The following AUTS2 variants were observed in gnomAD, a reference collection of about 807,000 sequenced individuals.
The protein encoded by AUTS2 is activator of transcription and developmental regulator AUTS2, also known as autism susceptibility gene 2 protein.
AUTS2 carries 17 observed loss-of-function variants against 112.4 expected under a neutral mutation model. That is an observed-to-expected ratio of 0.15 (90% CI 0.10 to 0.23). The LOEUF (loss-of-function observed/expected upper bound fraction) is 0.23. AUTS2 is among the 10% of genes least tolerant of loss of function. The probability of loss-of-function intolerance (pLI) is 1.00; values close to 1 mark genes in which losing one functional copy is unlikely to be tolerated. For synonymous variants in AUTS2, 751 were observed against 702.7 expected, an observed-to-expected ratio of 1.07 and a Z score of -1.09; for missense variants, 1,510 against 1,701.6, an observed-to-expected ratio of 0.89 and a Z score of 1.98.
intron 1 of AUTS2, among the ~76,000 whole-genome samples, chr7:69,731,764 T>G (rs971946326): frequency 6.6e-6 from 1 of 152,208 alleles, no homozygotes; most frequent in Non-Finnish European, 1.5e-5. Flanking sequence ...ATCTGAATTC[T>G]AAAACTGCGT....
At chr7:70,779,530 A>G (rs761777189) in intron 14 of AUTS2, among the ~76,000 whole-genome samples, 2 of 152,128 alleles carry the variant, frequency 1.3e-5, no homozygotes, top group Non-Finnish European at 2.9e-5. Flanking sequence ...AGTAGGGGTG[A>G]TGGGTGAGTG....
At chr7:69,947,330 G>T (rs909811263) in intron 2 of AUTS2, among the ~76,000 whole-genome samples, 2 of 152,162 alleles carry the variant, frequency 1.3e-5, no homozygotes, top group Admixed American at 1.3e-4. Flanking sequence ...GAAAGTTCAT[G>T]TTACACATAT....
At chr7:70,280,013 T>G (rs1788129246) in intron 4 of AUTS2, among the ~76,000 whole-genome samples, 1 of 152,230 alleles carries the variant, frequency 6.6e-6, no homozygotes, top group African/African-American at 2.4e-5. Context: ...ACAACTGTAG[T>G]TGAACACATA....
chr7:70,698,512 G>A, intron 5 of AUTS2, 57 bp from the exon 6 acceptor site: 1 of 1,382,620 alleles, frequency 7.2e-7, no homozygotes, highest in Non-Finnish European at 1.0e-6. Flanking sequence ...GAATGTTGAT[G>A]GTGATGACAA....
chr7:69,811,107 AGT>A (rs1396294587), intron 1 of AUTS2, among the ~76,000 whole-genome samples: 1 of 151,940 alleles, frequency 6.6e-6, no homozygotes, highest in Non-Finnish European at 1.5e-5. Context: ...CTCTGGCCAG[AGT>A]GTTTTTACTC....
rs1180592403 is a variant in AUTS2, at chr7:69,845,318, C to T, written c.310-53968C>T. On this transcript the variant is annotated intron_variant, in intron 1 of 18. Transcript: ENST00000342771. ...TGTCTCATTGACCAGACTTGGGTCA[C>T]ATTACCACTCCGTTATCCCTGCCCT... is the stretch of plus-strand genomic sequence containing the variant. Among the ~76,000 whole-genome samples, 4 of 152,184 alleles carry T rather than the reference C, an allele frequency of 2.6e-5. No individual in the cohort carries two copies. The South Asian group carries it at 6.2e-4, about 24-fold the overall frequency.
intron 2 of AUTS2, among the ~76,000 whole-genome samples, chr7:70,116,604 T>C (rs1258497815): frequency 6.6e-6 from 1 of 152,184 alleles, no homozygotes; most frequent in Non-Finnish European, 1.5e-5. Flanking sequence ...AGCTCTAATG[T>C]TTCTTATTGT....
chr7:70,156,124 C>T (rs1331019049), intron 4 of AUTS2, among the ~76,000 whole-genome samples: 1 of 152,160 alleles, frequency 6.6e-6, no homozygotes, highest in South Asian at 2.1e-4. Context: ...CCTCAGTGAA[C>T]CTGCACCATG....
chr7:69,856,578 A>G (rs897533056), intron 1 of AUTS2, among the ~76,000 whole-genome samples: 2 of 152,164 alleles, frequency 1.3e-5, no homozygotes, highest in African/African-American at 4.8e-5. Flanking sequence ...TAGCTCCCTC[A>G]TCTCATTACA....
At chr7:70,768,760 T>TAAGA (rs1399550556) in intron 10 of AUTS2, among the ~76,000 whole-genome samples, 3 of 152,120 alleles carry the variant, frequency 2.0e-5, no homozygotes, top group Non-Finnish European at 4.4e-5. Flanking sequence ...AGTTAACTTG[T>TAAGA]AAGACAAGAG....
intron 4 of AUTS2, among the ~76,000 whole-genome samples, chr7:70,396,596 C>T (rs371873776): frequency 5.3e-5 from 8 of 152,180 alleles, no homozygotes; most frequent in African/African-American, 1.7e-4. Context: ...AGGCTGTTCT[C>T]GAATTCCTGA....
At chr7:70,305,333 C>CCA (rs1346988074) in intron 4 of AUTS2, among the ~76,000 whole-genome samples, 1 of 151,812 alleles carries the variant, frequency 6.6e-6, no homozygotes, top group Non-Finnish European at 1.5e-5. Context: ...TATGAAGGTA[C>CCA]CCACTGAAAT....
At chr7:70,303,181 GCTCT>G (rs1789302897) in intron 4 of AUTS2, among the ~76,000 whole-genome samples, 2 of 152,134 alleles carry the variant, frequency 1.3e-5, no homozygotes, top group Non-Finnish European at 2.9e-5. Context: ...ATTGCCATAT[GCTCT>G]GTTGCGCAGG....
chr7:70,418,707 G>C (rs1459522161), intron 4 of AUTS2, among the ~76,000 whole-genome samples: 1 of 152,114 alleles, frequency 6.6e-6, no homozygotes, highest in Non-Finnish European at 1.5e-5. Context: ...ATGCCGTTGT[G>C]CATGTGTATC....
At chr7:69,865,090 T>A (rs2129533622) in intron 1 of AUTS2, among the ~76,000 whole-genome samples, 1 of 151,834 alleles carries the variant, frequency 6.6e-6, no homozygotes, top group Non-Finnish European at 1.5e-5. Context: ...TGTTGGATAT[T>A]ATAGGATGGT....
intron 1 of AUTS2, among the ~76,000 whole-genome samples, chr7:69,711,049 A>G (rs1270801275): frequency 6.6e-6 from 1 of 152,216 alleles, no homozygotes; most frequent in African/African-American, 2.4e-5. Flanking sequence ...CCTTAACACC[A>G]GAACGGTATG....
intron 5 of AUTS2, among the ~76,000 whole-genome samples, chr7:70,486,915 AAAG>A (rs1244283175): frequency 2.2e-5 from 3 of 138,316 alleles, no homozygotes; most frequent in Non-Finnish European, 4.7e-5. Flanking sequence ...CCCCAAAAAA[AAAG>A]AAGAAAAGGT....
chr7:69,763,052 T>C (rs1462268825), intron 1 of AUTS2, among the ~76,000 whole-genome samples: 2 of 152,222 alleles, frequency 1.3e-5, no homozygotes, highest in South Asian at 4.1e-4. Flanking sequence ...GAAACACTGG[T>C]TTTATTTTCA....
intron 1 of AUTS2, among the ~76,000 whole-genome samples, chr7:69,725,576 A>G (rs1054194681): frequency 7.2e-5 from 11 of 152,172 alleles, no homozygotes; most frequent in Non-Finnish European, 1.5e-4. Context: ...ACATGTGGAC[A>G]TGGAAATGGT....
Sources: gnomAD v4.1 joint callset for allele counts (sites outside exome capture counted in the v4.1 genomes callset) on GRCh38, gnomAD v4.1.1 for gene constraint, MANE v1.5 for transcripts, NCBI Gene and HGNC (gene_info 2026-07-23, HGNC 2026-07-21) for gene names.